The following GALNT1 variants were observed in gnomAD, a reference collection of about 807,000 sequenced individuals.
GALNT1 encodes GalNAc transferase 1.
In GALNT1, 17 loss-of-function variants were observed where a neutral mutation model predicts 65.7. The ratio of observed to expected loss-of-function variants is 0.26; its 90% CI spans 0.18 to 0.39. GALNT1 has a LOEUF of 0.39. Among genes scored for constraint, GALNT1 ranks in the 10% least tolerant of loss-of-function variants. The pLI is 1.00. For missense variants in GALNT1, 460 were observed against 672.8 expected, an observed-to-expected ratio of 0.68 and a Z score of 3.50; for synonymous variants, 210 against 219.7, an observed-to-expected ratio of 0.96 and a Z score of 0.39.
At chr18:35,669,038 A>C (rs546085643) in intron 3 of GALNT1, among the ~76,000 whole-genome samples, 1 of 152,168 alleles carries the variant, frequency 6.6e-6, no homozygotes, top group Non-Finnish European at 1.5e-5. Context: ...TCAGGAGATC[A>C]AGACCATCCT....
rs192916300 is a variant in GALNT1 at position 35,628,942 on chromosome 18, C to T, written c.-103-25618C>T. On this transcript the variant is annotated intron_variant, in intron 1 of 11. Coordinates refer to ENST00000269195, the MANE Select transcript of GALNT1 (RefSeq NM_020474.4). ...AATGCGCAAGCTTCAGTAGCTGATTCGATCAACTGGAAGAAAGGGTATCAG... is the reference window on the plus strand; with the variant it reads ...AATGCGCAAGCTTCAGTAGCTGATTTGATCAACTGGAAGAAAGGGTATCAG... Among the ~76,000 whole-genome samples, 183 of 152,162 alleles carry T rather than the reference C, an allele frequency of 1.2e-3. 2 individuals are homozygous for T. The highest frequency in any genetic ancestry group is 9.2e-3 in the Admixed American group (141 of 15,294).
At chr18:35,623,236 G>A (rs1385855948) in intron 1 of GALNT1, among the ~76,000 whole-genome samples, 3 of 151,896 alleles carry the variant, frequency 2.0e-5, no homozygotes, top group Non-Finnish European at 4.4e-5. Context: ...TTCTTAATTT[G>A]TTTTGACATT....
Position 35,663,133 on chromosome 18 carries a change from T to C in GALNT1, c.140-495T>C, listed in dbSNP as rs549858946. The stretch of plus-strand genomic sequence containing the variant: ...AAATAGGGATTTGGTGTTGCAGCGA[T>C]GGAAGCCGTGAGGGGATGTGAGCAA... On this transcript the variant is annotated intron_variant, in intron 2 of 11. Transcript: ENST00000269195. Among the ~76,000 whole-genome samples, 14 of 152,234 alleles carry C rather than the reference T, an allele frequency of 9.2e-5. No individual in the cohort carries two copies. In the South Asian group the frequency reaches 2.5e-3, roughly 27 times the overall value.
At position 35,660,839 on chromosome 18, in the gene GALNT1, G is replaced by A. The variant is rs678281; in HGVS notation, c.140-2789G>A. Among the ~76,000 whole-genome samples, 943 of 152,212 alleles carry A rather than the reference G, an allele frequency of 6.2e-3. 4 individuals are homozygous for A. The highest frequency in any genetic ancestry group is 0.01 in the Middle Eastern group (3 of 294). The stretch of plus-strand genomic sequence containing the variant: ...TTATTAATAATTAGAGTATTGTGGT[G>A]CATTCTCTAAATCATTCAGTAGACA... On this transcript the variant is annotated intron_variant, in intron 2 of 11. Transcript: ENST00000269195.
At position 35,653,554 on chromosome 18, in the gene GALNT1, T is replaced by C. The variant is rs1055754143; in HGVS notation, c.-103-1006T>C. 2.6e-5 allele frequency among the ~76,000 whole-genome samples: 4 copies of C among 152,214 alleles called. No homozygotes were observed. The East Asian group carries it at 7.7e-4, about 29-fold the overall frequency. ...GACTCTGTTTCCTCACTCCACTTCA[T>C]AGGAATGCACTTGGTTTATATTTCT... On this transcript the variant is annotated intron_variant, in intron 1 of 11. Coordinates refer to ENST00000269195, the MANE Select transcript of GALNT1 (RefSeq NM_020474.4).
In GALNT1 at chr18:35,709,679, A is replaced by G; in HGVS notation, c.1589A>G (p.Glu530Gly). The G allele has an allele frequency of 6.2e-7, 1 of 1,614,178 alleles. No homozygotes were observed. The highest frequency in any genetic ancestry group is 8.5e-7 in the Non-Finnish European group (1 of 1,180,008). ...SNQCLDKATE[E>G]DSQVPSIRDC... ...CAGTGCCTGGATAAAGCCACAGAAG[A>G]GGATAGCCAGGTGCCCAGCATTAGA... Residue 530 changes from glutamate (E) to glycine (G), a missense_variant, in exon 12 of 12, where the codon GAG becomes GGG. By Grantham distance (98) the Glu-to-Gly change is moderately conservative (BLOSUM62 -2). Coordinates refer to ENST00000269195, the MANE Select transcript of GALNT1 (RefSeq NM_020474.4).
chr18:35,703,149 ATTTTT>A (rs201042863), intron 10 of GALNT1, among the ~76,000 whole-genome samples, 154 bp downstream of exon 10: 1 of 147,844 alleles, frequency 6.8e-6, no homozygotes, highest in Non-Finnish European at 1.5e-5. Flanking sequence ...CAATCCAGTG[ATTTTT>A]TTTTTTAATG....
rs779097791 is a variant in GALNT1, at chr18:35,683,512, A to T, written c.603A>T (p.Lys201Asn). The change falls in exon 5 of 12, where the codon AAA becomes AAT. Residue 201 changes from lysine to asparagine, a missense_variant. By Grantham distance (94) the Lys-to-Asn change is moderately conservative (BLOSUM62 0). Coordinates refer to ENST00000269195, the MANE Select transcript of GALNT1 (RefSeq NM_020474.4). The part of the protein sequence containing the change: ...RARLKGAAVS[K>N]GQVITFLDAH... ...GATTAAAAGGAGCTGCTGTGTCTAAAGGCCAAGTGATCACCTTCCTGGATG... is the reference window on the plus strand; with the variant it reads ...GATTAAAAGGAGCTGCTGTGTCTAATGGCCAAGTGATCACCTTCCTGGATG... 73 of 1,613,782 alleles carry T rather than the reference A, an allele frequency of 4.5e-5. No individual in the cohort carries two copies. Among genetic ancestry groups the T allele is most frequent in the Non-Finnish European group, 6.0e-5 (71 of 1,179,878 alleles).
At chr18:35,665,029 C>T (rs2047528716) in intron 3 of GALNT1, among the ~76,000 whole-genome samples, 2 of 152,198 alleles carry the variant, frequency 1.3e-5, no homozygotes, top group Non-Finnish European at 2.9e-5. Context: ...GCCTGATCAC[C>T]CTTATGGAAA....
At chr18:35,686,881 G>C in intron 5 of GALNT1, 135 bp from the exon 6 acceptor site, 1 of 732,864 alleles carries the variant, frequency 1.4e-6, no homozygotes, top group Non-Finnish European at 2.1e-6. Context: ...TTCCAGCCTG[G>C]GTGGTGACAG....
At chr18:35,703,758 C>CT in intron 11 of GALNT1, 115 bp downstream of exon 11, 1 of 946,342 alleles carries the variant, frequency 1.1e-6, no homozygotes, top group African/African-American at 1.7e-5. Flanking sequence ...TCAAACTTGT[C>CT]TTATACACTA....
intron 1 of GALNT1, among the ~76,000 whole-genome samples, chr18:35,629,366 C>T (rs1245602194): frequency 6.6e-6 from 1 of 152,206 alleles, no homozygotes; most frequent in African/African-American, 2.4e-5. Flanking sequence ...AACAGCTGAT[C>T]TCTCAGCAGA....
chr18:35,619,049 C>T (rs1172941098), intron 1 of GALNT1, among the ~76,000 whole-genome samples: 8 of 152,046 alleles, frequency 5.3e-5, no homozygotes, highest in African/African-American at 1.9e-4. Context: ...ACTTAAAAAC[C>T]GATATGCCAA....
intron 3 of GALNT1, among the ~76,000 whole-genome samples, chr18:35,672,624 GT>G (rs1384715966): frequency 6.6e-6 from 1 of 152,078 alleles, no homozygotes; most frequent in Non-Finnish European, 1.5e-5. Context: ...CTAAGAGCAT[GT>G]TTCCTGAAGG....
intron 9 of GALNT1, among the ~76,000 whole-genome samples, chr18:35,701,156 T>G (rs961165908): frequency 6.6e-6 from 1 of 152,066 alleles, no homozygotes; most frequent in Non-Finnish European, 1.5e-5. Context: ...ACTGCAGCCT[T>G]GAACTCTTGG....
intron 1 of GALNT1, among the ~76,000 whole-genome samples, chr18:35,636,637 G>A (rs2047092184): frequency 6.6e-6 from 1 of 152,040 alleles, no homozygotes; most frequent in Admixed American, 6.6e-5. Context: ...ATTCATGCTT[G>A]TACCACCTAC....
chr18:35,685,703 G>T (rs1434247874), intron 5 of GALNT1, among the ~76,000 whole-genome samples: 1 of 152,154 alleles, frequency 6.6e-6, no homozygotes, highest in African/African-American at 2.4e-5. Context: ...TGTTTGTGAA[G>T]AAAACGAATC....
chr18:35,652,306 A>C (rs1009400850), intron 1 of GALNT1, among the ~76,000 whole-genome samples: 1 of 152,176 alleles, frequency 6.6e-6, no homozygotes, highest in Non-Finnish European at 1.5e-5. Context: ...TCTCAGCCTC[A>C]TAGAGGGTCT....
chr18:35,686,910 C>G, intron 5 of GALNT1, 106 bp from the exon 6 acceptor site: 1 of 1,145,668 alleles, frequency 8.7e-7, no homozygotes, highest in Non-Finnish European at 1.2e-6. Context: ...TACCCTGTTT[C>G]AAGGGAAAAA....
Sources: gnomAD v4.1 joint callset for allele counts (sites outside exome capture counted in the v4.1 genomes callset) on GRCh38, gnomAD v4.1.1 for gene constraint, MANE v1.5 for transcripts, NCBI Gene and HGNC (gene_info 2026-07-23, HGNC 2026-07-21) for gene names.